FUBP1: variants seen among roughly 807,000 people sequenced by gnomAD.
The protein encoded by FUBP1 is far upstream element-binding protein 1.
FUBP1 carries 16 observed loss-of-function variants against 94.9 expected under a neutral mutation model. The observed-to-expected ratio is 0.17, with a 90% confidence interval of 0.11 to 0.26. The LOEUF (loss-of-function observed/expected upper bound fraction) is 0.26. FUBP1 is among the 10% of genes least tolerant of loss of function. FUBP1 has a pLI of 1.00. For missense variants in FUBP1, 583 were observed against 808.6 expected (o/e 0.72, Z 3.38); for synonymous variants, 279 against 254.9 (o/e 1.09, Z -0.90).
intron 1 of FUBP1, among the ~76,000 whole-genome samples, chr1:77,974,135 T>G (rs1257178695): frequency 6.1e-5 from 7 of 114,998 alleles, no homozygotes; most frequent in African/African-American, 1.8e-4. Flanking sequence ...AATTTTTTGG[T>G]TTTTTTTTTT....
At chr1:77,978,864 C>A (rs112889586) in intron 1 of FUBP1, 21 bp downstream of exon 1, 1 of 1,613,484 alleles carries the variant, frequency 6.2e-7, no homozygotes, top group East Asian at 2.2e-5. Context: ...TTCGGGATTC[C>A]GCCGCGCGGT....
Position 77,955,340 on chromosome 1 carries a change from C to T in FUBP1, c.1706-11G>A. Reference sequence around the variant, plus strand: ...GATTCTGCTGATCTCCTTGTTCAAGCAAAACAAAACAAAAAACAGAATTAA... The same window carrying T: ...GATTCTGCTGATCTCCTTGTTCAAGTAAAACAAAACAAAAAACAGAATTAA... On this transcript the variant is annotated splice_polypyrimidine_tract_variant and intron_variant, in intron 17 of 19. Coordinates refer to ENST00000370768, the MANE Select transcript of FUBP1 (RefSeq NM_003902.5). The T allele has an allele frequency of 6.6e-7, 1 of 1,514,378 alleles. No individual in the cohort carries two copies. The highest frequency in any genetic ancestry group is 9.2e-7 in the Non-Finnish European group (1 of 1,092,814). 93.8% of individuals were successfully genotyped at this position (1,514,378 alleles called of 1,614,324 possible).
chr1:77,963,999 T>C, intron 12 of FUBP1, 63 bp downstream of exon 12: 2 of 1,006,716 alleles, frequency 2.0e-6, no homozygotes, highest in Non-Finnish European at 3.2e-6. Context: ...TAACTTCAGA[T>C]TTCATGAAGG....
intron 17 of FUBP1, 158 bp from the exon 18 acceptor site, chr1:77,955,487 ATAG>A (rs1439488102): frequency 1.7e-6 from 1 of 595,964 alleles, no homozygotes; most frequent in African/African-American, 1.9e-5. Flanking sequence ...AGTGCCAAAG[ATAG>A]AAGGTACTGG....
chr1:77,976,537 A>T (rs199539568), intron 1 of FUBP1, among the ~76,000 whole-genome samples: 73 of 152,132 alleles, frequency 4.8e-4, no homozygotes, highest in Middle Eastern at 3.4e-3. Context: ...CTCTATGACC[A>T]GGCTGGAGTG....
intron 1 of FUBP1, among the ~76,000 whole-genome samples, chr1:77,978,377 C>G (rs1339478658): frequency 6.6e-6 from 1 of 152,228 alleles, no homozygotes; most frequent in Non-Finnish European, 1.5e-5. Flanking sequence ...AGGCTGCTTT[C>G]AAGTCCCTTC....
At chr1:77,950,713 T>C (rs1042929499) in intron 18 of FUBP1, among the ~76,000 whole-genome samples, 1 of 152,196 alleles carries the variant, frequency 6.6e-6, no homozygotes, top group African/African-American at 2.4e-5. Context: ...CGCTTGGCTT[T>C]GTGAAATAAC....
At chr1:77,963,194 A>T (rs1278681751) in intron 13 of FUBP1, among the ~76,000 whole-genome samples, 2 of 152,222 alleles carry the variant, frequency 1.3e-5, no homozygotes, top group Non-Finnish European at 2.9e-5. Context: ...AAAATATTTG[A>T]ATTAACTGCT....
Position 77,978,866 on chromosome 1 carries a change from C to T in FUBP1, c.120+19G>A. 1 of 1,613,642 alleles carries T rather than the reference C, an allele frequency of 6.2e-7. No homozygotes were observed. The highest frequency in any genetic ancestry group is 1.1e-5 in the South Asian group (1 of 91,056). ...ATTACCGTGAGCTTTCGGGATTCCG[C>T]CGCGCGGTCCACACTTACCTGCCGG... On this transcript the variant is annotated intron_variant, in intron 1 of 19. Transcript: ENST00000370768.
At chr1:77,961,125 C>T (rs746280674) in intron 14 of FUBP1, among the ~76,000 whole-genome samples, 5 of 152,128 alleles carry the variant, frequency 3.3e-5, no homozygotes, top group Non-Finnish European at 7.4e-5. Flanking sequence ...TTCAATAAAT[C>T]AGGATATTTT....
intron 18 of FUBP1, 56 bp from the exon 19 acceptor site, chr1:77,949,356 T>C: frequency 7.1e-7 from 1 of 1,413,640 alleles, no homozygotes; most frequent in Non-Finnish European, 9.9e-7. Context: ...CAACATCTCA[T>C]TTCTAATAAA....
intron 12 of FUBP1, 32 bp from the exon 13 acceptor site, chr1:77,963,747 C>T (rs2102386175): frequency 1.9e-6 from 3 of 1,560,058 alleles, no homozygotes; most frequent in East Asian, 4.5e-5. Context: ...AACGAAGAGT[C>T]AGCACAGAAA....
intron 1 of FUBP1, among the ~76,000 whole-genome samples, chr1:77,978,475 T>C (rs1244289053): frequency 6.6e-6 from 1 of 152,254 alleles, no homozygotes; most frequent in Non-Finnish European, 1.5e-5. Context: ...ACTTTAATGA[T>C]AAATCCCTTC....
intron 2 of FUBP1, among the ~76,000 whole-genome samples, chr1:77,969,406 C>T (rs1657099253): frequency 6.6e-6 from 1 of 151,758 alleles, no homozygotes; most frequent in South Asian, 2.1e-4. Context: ...TTTTAATCCA[C>T]AGGTTTAAAG....
intron 1 of FUBP1, 107 bp downstream of exon 1, chr1:77,978,778 G>A: frequency 7.3e-7 from 1 of 1,363,896 alleles, no homozygotes; most frequent in Non-Finnish European, 1.0e-6. Flanking sequence ...TTTCAGCCCG[G>A]AAGAACACCT....
chr1:77,972,077 C>G (rs1657664347), intron 1 of FUBP1, among the ~76,000 whole-genome samples: 1 of 151,502 alleles, frequency 6.6e-6, no homozygotes, highest in Non-Finnish European at 1.5e-5. Context: ...TTTCACTTTA[C>G]CAATTACAAA....
chr1:77,963,694 C>G lies in FUBP1; in HGVS notation c.1063G>C (p.Gly355Arg). 1.2e-6 allele frequency: 2 copies of G among 1,611,380 alleles called. No individual in the cohort carries two copies. Among genetic ancestry groups the G allele is most frequent in the Non-Finnish European group, 1.7e-6 (2 of 1,177,824 alleles). ...CTACCTCTTCCTCGACCACCAGGTC[C>G]AGGTCCACCAGGATTACCAGCCTAT... ...SVQAGNPGGPGPGGRGRGRGQ... is the reference protein window; with the variant it reads ...SVQAGNPGGPRPGGRGRGRGQ... The change falls in exon 13 of 20, where the codon GGA becomes CGA. Residue 355 changes from glycine to arginine, a missense_variant. Coordinates refer to ENST00000370768, the MANE Select transcript of FUBP1 (RefSeq NM_003902.5).
At chr1:77,970,351 T>C (rs1037948166) in intron 1 of FUBP1, among the ~76,000 whole-genome samples, 6 of 152,306 alleles carry the variant, frequency 3.9e-5, no homozygotes, top group Middle Eastern at 3.4e-3. Flanking sequence ...TGTAAACACA[T>C]AGAATGTGAA....
rs1235463160 is a variant in FUBP1 at position 77,964,852 on chromosome 1, G to C, written c.735+18C>G. Reference sequence around the variant, plus strand: ...ATTCAACCCACTCTTTCTTTATAAAGTATAAAGTTAAGTTTACTTGAACTT... The same window carrying C: ...ATTCAACCCACTCTTTCTTTATAAACTATAAAGTTAAGTTTACTTGAACTT... On this transcript the variant is annotated intron_variant, in intron 9 of 19. Transcript: ENST00000370768. The C allele has an allele frequency of 6.5e-6, 10 of 1,535,802 alleles. No individual in the cohort carries two copies. The highest frequency in any genetic ancestry group is 1.4e-5 in the African/African-American group (1 of 73,436).
Sources: allele counts gnomAD v4.1 joint callset (sites outside exome capture counted in the v4.1 genomes callset), GRCh38; gene constraint gnomAD v4.1.1; transcripts MANE v1.5; gene names NCBI Gene and HGNC (gene_info 2026-07-23, HGNC 2026-07-21).